Variants in ATP9B observed in about 807,000 individuals in gnomAD.
ATP9B encodes the protein probable phospholipid-transporting ATPase IIB.
ATP9B carries 110 observed loss-of-function variants against 146.1 expected under a neutral mutation model. That is an observed-to-expected ratio of 0.75 (90% confidence interval 0.65 to 0.88). The LOEUF (loss-of-function observed/expected upper bound fraction) is 0.88, where lower values mean the gene tolerates loss of function less well. Ranked by LOEUF, ATP9B falls within the 40% of genes least tolerant of loss-of-function variation. The pLI is 0.00. For synonymous variants in ATP9B, 604 were observed against 569.7 expected, an observed-to-expected ratio of 1.06 and a Z score of -0.86; for missense variants, 1,499 against 1,496.4, an observed-to-expected ratio of 1.00 and a Z score of -0.03.
chr18:79,341,130 G>T lies in ATP9B; in HGVS notation c.2284-1138G>T, dbSNP rs202077327. 3.9e-5 allele frequency among the ~76,000 whole-genome samples: 6 copies of T among 152,150 alleles called. No individual in the cohort carries two copies. The East Asian group carries it at 1.2e-3, about 29-fold the overall frequency. ...TTCACATACTGTTTAATTGTGGTTG[G>T]ATGTGTGTAGCGTGACCTCGTTGAA... On this transcript the variant is annotated intron_variant, in intron 19 of 29. Coordinates refer to ENST00000426216, the MANE Select transcript of ATP9B (RefSeq NM_198531.5).
intron 1 of ATP9B, among the ~76,000 whole-genome samples, chr18:79,093,796 A>G (rs1279043285): frequency 6.6e-6 from 1 of 152,206 alleles, no homozygotes; most frequent in Non-Finnish European, 1.5e-5. Context: ...TTAAAAAAAG[A>G]AAAAAAGAAC....
chr18:79,327,695 G>T lies in ATP9B; in HGVS notation c.1774-1446G>T, dbSNP rs1257454130. Among the ~76,000 whole-genome samples, 51 of 135,964 alleles carry T rather than the reference G, an allele frequency of 3.8e-4. 1 individual carries two copies. The highest frequency in any genetic ancestry group is 4.8e-4 in the South Asian group (2 of 4,166). 89.2% of individuals were successfully genotyped at this position (135,964 alleles called of 152,430 possible). ...CTCCGTGGTTAGCGTGCTCTCCGTG[G>T]TTAGTGTGCTCTCTCCATGGTTAGC... On this transcript the variant is annotated intron_variant, in intron 15 of 29. Transcript: ENST00000426216.
rs553467145 is a variant in ATP9B, at chr18:79,372,854, C to T, written c.3042C>T (p.Leu1014=). The change falls in exon 27 of 30, where the codon CTC becomes CTT. Residue 1014 remains leucine, a synonymous_variant. Transcript: ENST00000426216. ...GATCCTTGTCCTTCAAAACCTTCCTCATCTGGGTTTTAATAAGTATTTACC... is the reference window on the plus strand; with the variant it reads ...GATCCTTGTCCTTCAAAACCTTCCTTATCTGGGTTTTAATAAGTATTTACC... The part of the protein sequence containing the change: ...KGRSLSFKTF[L]IWVLISIYQG... 3 of 1,611,934 alleles carry T rather than the reference C, an allele frequency of 1.9e-6. No homozygotes were observed. The highest frequency in any genetic ancestry group is 1.1e-5 in the South Asian group (1 of 91,036).
intron 15 of ATP9B, among the ~76,000 whole-genome samples, chr18:79,314,254 C>A (rs532409143): frequency 3.4e-4 from 52 of 152,270 alleles, no homozygotes; most frequent in Admixed American, 2.2e-3. Context: ...CTGTTTGTGG[C>A]GCTGTGTCAT....
At position 79,154,586 on chromosome 18, in the gene ATP9B, CTG is replaced by C. The variant is rs1164818540; in HGVS notation, c.778+33_778+34del. 2.7e-6 allele frequency: 4 copies of C among 1,460,312 alleles called. No individual in the cohort carries two copies. In the Admixed American group the frequency reaches 9.9e-5, roughly 36 times the overall value. 90.5% of individuals were successfully genotyped at this position (1,460,312 alleles called of 1,614,324 possible). ...TTTACATTTAAAAAAACTTACCTAA[CTG>C]TATATTATTGCAAAAACAAATTTAC... On this transcript the variant is annotated intron_variant, in intron 7 of 29. Transcript: ENST00000426216.
intron 5 of ATP9B, among the ~76,000 whole-genome samples, chr18:79,136,761 C>A (rs185777072): frequency 6.6e-6 from 1 of 152,254 alleles, no homozygotes; most frequent in African/African-American, 2.4e-5. Flanking sequence ...TAAAGACATA[C>A]CCAAGACCGA....
chr18:79,187,586 T>C (rs539640640), intron 8 of ATP9B, among the ~76,000 whole-genome samples: 1 of 152,340 alleles, frequency 6.6e-6, no homozygotes, highest in Admixed American at 6.5e-5. Flanking sequence ...GAAGGTGGTC[T>C]CTGCCGAGCC....
chr18:79,183,574 G>A (rs1038541396), intron 8 of ATP9B, among the ~76,000 whole-genome samples: 8 of 151,610 alleles, frequency 5.3e-5, no homozygotes, highest in Non-Finnish European at 1.0e-4. Flanking sequence ...TAAATACTTC[G>A]TTTATAGTTT....
In ATP9B at chr18:79,188,229, C is replaced by T. The variant is rs528845820; in HGVS notation, c.874-4954C>T. Among the ~76,000 whole-genome samples the T allele has an allele frequency of 2.2e-4, 34 of 152,166 alleles. No homozygotes were observed. In the South Asian group the frequency reaches 5.6e-3, roughly 25 times the overall value. ...GATGTTACTAACAACCTAAATAAAA[C>T]AAGCTATGAAAAAGGATCATGTGGA... is the stretch of plus-strand genomic sequence containing the variant. On this transcript the variant is annotated intron_variant, in intron 8 of 29. Transcript: ENST00000426216.
At chr18:79,085,287 A>G (rs1389267608) in intron 1 of ATP9B, 2 of 152,210 alleles carry the variant, frequency 1.3e-5, no homozygotes, top group Non-Finnish European at 2.9e-5. Flanking sequence ...AGTATCTCCC[A>G]CTAGGCCCCA....
chr18:79,321,839 G>T (rs2096717948), intron 15 of ATP9B, among the ~76,000 whole-genome samples: 1 of 152,206 alleles, frequency 6.6e-6, no homozygotes, highest in Admixed American at 6.5e-5. Context: ...AGAAAGCTCA[G>T]TCCTGACTGC....
chr18:79,327,671 T>G (rs1379808662), intron 15 of ATP9B, among the ~76,000 whole-genome samples: 99 of 144,264 alleles, frequency 6.9e-4, no homozygotes, highest in African/African-American at 2.4e-3. Flanking sequence ...TAGCGTGCTC[T>G]CCGTGGTTAG....
At position 79,271,552 on chromosome 18, in the gene ATP9B, T is replaced by A. The variant is rs2096255039; in HGVS notation, c.1269-5502T>A. On this transcript the variant is annotated intron_variant, in intron 12 of 29. Coordinates refer to ENST00000426216, the MANE Select transcript of ATP9B (RefSeq NM_198531.5). ...TGGTTTCCAGCTTCATCCATGTCCC[T>A]ACAAAGGACATGAACTCATCATTTT... Among the ~76,000 whole-genome samples, 5 of 152,214 alleles carry A rather than the reference T, an allele frequency of 3.3e-5. No homozygotes were observed. The South Asian group carries it at 1.0e-3, about 31-fold the overall frequency.
intron 12 of ATP9B, among the ~76,000 whole-genome samples, chr18:79,269,398 T>C (rs2096234805): frequency 6.6e-6 from 1 of 152,242 alleles, no homozygotes; most frequent in African/African-American, 2.4e-5. Flanking sequence ...TTTCTTAATT[T>C]TAATTATTGA....
intron 9 of ATP9B, among the ~76,000 whole-genome samples, chr18:79,204,595 A>G (rs958167794): frequency 6.6e-6 from 1 of 152,240 alleles, no homozygotes; most frequent in Admixed American, 6.5e-5. Context: ...AGTTCAGGAA[A>G]GCATGCAACA....
intron 25 of ATP9B, among the ~76,000 whole-genome samples, chr18:79,354,987 G>A (rs1045967254): frequency 2.0e-5 from 3 of 152,226 alleles, no homozygotes; most frequent in African/African-American, 7.2e-5. Context: ...GTGGAGAGCT[G>A]AAAGTGCCAC....
At chr18:79,082,441 C>T (rs1305219416) in intron 1 of ATP9B, among the ~76,000 whole-genome samples, 10 of 152,188 alleles carry the variant, frequency 6.6e-5, no homozygotes, top group African/African-American at 2.2e-4. Flanking sequence ...CAGTTTTGTT[C>T]TCTTGCAGGT....
chr18:79,233,185 T>G (rs2095808376), intron 11 of ATP9B, among the ~76,000 whole-genome samples: 1 of 151,672 alleles, frequency 6.6e-6, no homozygotes, highest in African/African-American at 2.4e-5. Flanking sequence ...CCAGCTACTC[T>G]GGAGGCTGAA....
At chr18:79,290,729 C>T (rs1320329053) in intron 13 of ATP9B, among the ~76,000 whole-genome samples, 1 of 152,240 alleles carries the variant, frequency 6.6e-6, no homozygotes. Context: ...GAGCTGTAGA[C>T]TGGAGCTGTT....
Sources: gnomAD v4.1 joint callset for allele counts (sites outside exome capture counted in the v4.1 genomes callset) on GRCh38, gnomAD v4.1.1 for gene constraint, MANE v1.5 for transcripts, NCBI Gene and HGNC (gene_info 2026-07-23, HGNC 2026-07-21) for gene names.